VCL: variants seen among roughly 807,000 people sequenced by gnomAD.
The protein encoded by VCL is epididymis luminal protein 114.
In VCL, 47 loss-of-function variants were observed where a neutral mutation model predicts 125.7. The ratio of observed to expected loss-of-function variants is 0.37; its 90% CI spans 0.30 to 0.48. The LOEUF is 0.48. VCL is among the 20% of genes least tolerant of loss of function. The pLI, the probability that VCL is intolerant of heterozygous loss-of-function variation, is 0.99. For missense variants in VCL, 1,069 were observed against 1,455.5 expected (o/e 0.73, Z 4.32); for synonymous variants, 458 against 514.6 (o/e 0.89, Z 1.49).
chr10:74,030,453 T>C (rs1449175776), intron 1 of VCL, among the ~76,000 whole-genome samples: 3 of 152,196 alleles, frequency 2.0e-5, no homozygotes, highest in Non-Finnish European at 4.4e-5. Context: ...CTCATAGCTC[T>C]TACAAGAAGA....
chr10:74,101,211 C>A, intron 14 of VCL, 114 bp downstream of exon 14: 1 of 1,414,224 alleles, frequency 7.1e-7, no homozygotes, highest in Non-Finnish European at 9.7e-7. Context: ...CATATACAGG[C>A]CAGCACGGTA....
chr10:74,087,780 A>T (rs1347761188), intron 8 of VCL, among the ~76,000 whole-genome samples: 1 of 151,978 alleles, frequency 6.6e-6, no homozygotes, highest in Non-Finnish European at 1.5e-5. Flanking sequence ...GTTCAAGACC[A>T]GCCTGGCCAA....
chr10:74,095,968 GAA>G (rs1236156826), intron 12 of VCL, 113 bp downstream of exon 12: 7 of 1,305,508 alleles, frequency 5.4e-6, no homozygotes, highest in African/African-American at 2.9e-5. Flanking sequence ...TAGGGAAAAT[GAA>G]AAGAGTGTGA....
intron 10 of VCL, among the ~76,000 whole-genome samples, chr10:74,090,792 T>A (rs1465879553): frequency 6.6e-6 from 1 of 151,700 alleles, no homozygotes; most frequent in Non-Finnish European, 1.5e-5. Context: ...TCCTCTTTTT[T>A]TTTTTATTTT....
rs771598058 is a variant in VCL at position 74,119,186 on chromosome 10, A to G, written c.*1017A>G. 2 of 152,602 alleles carry G rather than the reference A, an allele frequency of 1.3e-5. No homozygotes were observed. Among genetic ancestry groups the G allele is most frequent in the Non-Finnish European group, 2.9e-5 (2 of 68,022 alleles). 9.5% of individuals were successfully genotyped at this position (152,602 alleles called of 1,614,324 possible). On this transcript the variant is annotated 3_prime_UTR_variant, in exon 22 of 22. Transcript: ENST00000211998. ...CCTGGTTTTTGTAGCCTTCCTCCAC[A>G]TCCTTTCTAAACAAGATTTTAAAGA...
chr10:74,020,840 CAAAAAAA>C (rs567412270), intron 1 of VCL, among the ~76,000 whole-genome samples: 5 of 66,738 alleles, frequency 7.5e-5, no homozygotes, highest in Non-Finnish European at 8.0e-5. Flanking sequence ...GACCTTGTCT[CAAAAAAA>C]AAAAAAAAAA....
intron 13 of VCL, among the ~76,000 whole-genome samples, chr10:74,100,098 T>C (rs1564531171): frequency 6.6e-6 from 1 of 152,222 alleles, no homozygotes; most frequent in Non-Finnish European, 1.5e-5. Flanking sequence ...GCATCAGTTC[T>C]AATAATGCAG....
At position 73,998,459 on chromosome 10, in the gene VCL, C is replaced by T. The variant is rs1840158816; in HGVS notation, c.168+84C>T. Reference sequence around the variant, plus strand: ...CCGCGTCGCGGCTGCCTGTGGCCGGCTCGCTGGCCGTGGCTTTCCGCGTGG... The same window carrying T: ...CCGCGTCGCGGCTGCCTGTGGCCGGTTCGCTGGCCGTGGCTTTCCGCGTGG... On this transcript the variant is annotated intron_variant, in intron 1 of 21. Coordinates refer to ENST00000211998, the MANE Select transcript of VCL (RefSeq NM_014000.3). 5 of 1,266,838 alleles carry T rather than the reference C, an allele frequency of 3.9e-6. No individual in the cohort carries two copies. In the South Asian group the frequency reaches 8.0e-5, roughly 20 times the overall value. The allele number at this position is 1,266,838 out of a possible 1,614,324, so 78.5% of individuals were successfully genotyped here.
chr10:74,022,398 T>A (rs1840687332), intron 1 of VCL, among the ~76,000 whole-genome samples: 1 of 151,308 alleles, frequency 6.6e-6, no homozygotes, highest in Non-Finnish European at 1.5e-5. Context: ...ATACAAAAAT[T>A]AGCCGGGCAT....
intron 2 of VCL, among the ~76,000 whole-genome samples, chr10:74,068,027 C>A (rs1040856640): frequency 6.6e-6 from 1 of 152,166 alleles, no homozygotes; most frequent in Non-Finnish European, 1.5e-5. Context: ...ATGTTTGGAT[C>A]CAATTTTGGT....
chr10:74,028,941 C>G (rs1565638300), intron 1 of VCL, among the ~76,000 whole-genome samples: 2 of 151,988 alleles, frequency 1.3e-5, no homozygotes, highest in Admixed American at 6.6e-5. Flanking sequence ...TGGGAGGCCC[C>G]TGGAGTAGTT....
At chr10:74,107,116 T>C in intron 16 of VCL, 114 bp from the exon 17 acceptor site, 2 of 1,554,972 alleles carry the variant, frequency 1.3e-6, no homozygotes, top group East Asian at 2.3e-5. Context: ...GCCCGTGATA[T>C]TTACTGGCAG....
At chr10:74,059,409 CTT>C (rs763857475) in intron 2 of VCL, among the ~76,000 whole-genome samples, 4 of 144,822 alleles carry the variant, frequency 2.8e-5, no homozygotes, top group African/African-American at 2.5e-5. Context: ...TGCACCCATA[CTT>C]TTTTTTTTTT....
intron 19 of VCL, among the ~76,000 whole-genome samples, chr10:74,113,735 G>A (rs954581249): frequency 6.6e-6 from 1 of 152,100 alleles, no homozygotes; most frequent in African/African-American, 2.4e-5. Flanking sequence ...TTCCCCTCAG[G>A]CCAGCTCTAC....
Position 74,094,304 on chromosome 10 carries a change from G to A in VCL, c.1386G>A (p.Leu462=). 1.2e-6 allele frequency: 2 copies of A among 1,614,128 alleles called. No individual in the cohort carries two copies. The highest frequency in any genetic ancestry group is 1.3e-5 in the African/African-American group (1 of 75,018). The change falls in exon 11 of 22, where the codon TTG becomes TTA. Residue 462 remains leucine, a synonymous_variant. Coordinates refer to ENST00000211998, the MANE Select transcript of VCL (RefSeq NM_014000.3). ...GAGATTCTCCAGAGGCTCGAGCCTT[G>A]GCCAAACAGGTGGCCACGGCCCTGC... ...GKGDSPEARA[L]AKQVATALQN... is the part of the protein sequence containing the mutation.
At chr10:74,074,953 T>G in intron 6 of VCL, 50 bp downstream of exon 6, 1 of 1,613,066 alleles carries the variant, frequency 6.2e-7, no homozygotes, top group Admixed American at 1.7e-5. Context: ...TCTCCCTGGC[T>G]GGGGGTTTTG....
rs111239142 is a variant in VCL at position 74,080,669 on chromosome 10, A to G, written c.784-1785A>G. Among the ~76,000 whole-genome samples the G allele has an allele frequency of 3.3e-4, 48 of 144,334 alleles. 1 individual carries two copies. The highest frequency in any genetic ancestry group is 1.0e-3 in the African/African-American group (43 of 41,358). 94.7% of individuals were successfully genotyped at this position (144,334 alleles called of 152,430 possible). ...CTGAAAATAAAAGTGTGTTAGGAAA[A>G]TGGTTTAACAGGTTTTAAGTGAAAT... is the stretch of plus-strand genomic sequence containing the variant. On this transcript the variant is annotated intron_variant, in intron 6 of 21. Transcript: ENST00000211998.
At chr10:74,048,683 A>G (rs1564517515) in intron 2 of VCL, among the ~76,000 whole-genome samples, 2 of 152,270 alleles carry the variant, frequency 1.3e-5, no homozygotes, top group Non-Finnish European at 2.9e-5. Flanking sequence ...ATTGCCTTCT[A>G]TGTGCCTAGC....
chr10:74,055,021 C>T (rs771551193), intron 2 of VCL, among the ~76,000 whole-genome samples: 9 of 151,956 alleles, frequency 5.9e-5, no homozygotes, highest in Admixed American at 6.6e-5. Context: ...AGATACAGGC[C>T]GGGTGCGATG....
Sources: gnomAD v4.1 joint callset for allele counts (sites outside exome capture counted in the v4.1 genomes callset) on GRCh38, gnomAD v4.1.1 for gene constraint, MANE v1.5 for transcripts, NCBI Gene and HGNC (gene_info 2026-07-23, HGNC 2026-07-21) for gene names.